The following ZNF331 variants were observed in gnomAD, a reference collection of about 807,000 sequenced individuals.
ZNF331 encodes zinc finger protein 331.
In ZNF331, 2 loss-of-function variants were observed where a neutral mutation model predicts 7.0. The observed-to-expected ratio is 0.29, with a 90% CI of 0.12 to 0.90. ZNF331 has a LOEUF of 0.90. Ranked by LOEUF, ZNF331 falls within the 40% of genes least tolerant of loss-of-function variation. The pLI is 0.58. For synonymous variants in ZNF331, 196 were observed against 205.4 expected (o/e 0.95, Z 0.39); for missense variants, 432 against 587.7 (o/e 0.74, Z 2.74).
rs1034712816 is a variant in ZNF331 at position 53,579,757 on chromosome 19, C to T, written c.*1805C>T. On this transcript the variant is annotated 3_prime_UTR_variant, in exon 6 of 6. Transcript: ENST00000449416. ...ACAGCAAACATAAAAAGTTGTTACA[C>T]TTCATCAAAAGTACAAAGTTCTGTT... The T allele has an allele frequency of 4.6e-5, 9 of 197,356 alleles. No individual in the cohort carries two copies. The highest frequency in any genetic ancestry group is 1.6e-4 in the African/African-American group (7 of 43,462). 12.2% of individuals were successfully genotyped at this position (197,356 alleles called of 1,614,324 possible). A position where few individuals can be genotyped will look rare whatever the true frequency, so the allele number is the denominator to read the frequency against.
At chr19:53,561,926 T>C (rs1351417605) in intron 3 of ZNF331, among the ~76,000 whole-genome samples, 2 of 152,184 alleles carry the variant, frequency 1.3e-5, no homozygotes, top group South Asian at 2.1e-4. Context: ...GGCAGGTAGA[T>C]CACCTGAGGT....
At chr19:53,554,267 G>A (rs745702801) in intron 2 of ZNF331, among the ~76,000 whole-genome samples, 22 of 152,230 alleles carry the variant, frequency 1.4e-4, no homozygotes, top group Non-Finnish European at 2.6e-4. Context: ...GTGTGTGCAT[G>A]TGTCAGCGTC....
At chr19:53,557,037 C>T (rs950388414) in intron 3 of ZNF331, among the ~76,000 whole-genome samples, 2 of 129,116 alleles carry the variant, frequency 1.5e-5, no homozygotes, top group African/African-American at 6.1e-5. Flanking sequence ...CCAGGCTGGT[C>T]GTGAACTCCT....
intron 4 of ZNF331, among the ~76,000 whole-genome samples, chr19:53,570,353 A>T (rs2090381812): frequency 6.6e-6 from 1 of 152,110 alleles, no homozygotes; most frequent in South Asian, 2.1e-4. Flanking sequence ...GGAGATGATC[A>T]CATACCCCAG....
chr19:53,554,025 C>T (rs2089190536), intron 2 of ZNF331, among the ~76,000 whole-genome samples: 1 of 152,198 alleles, frequency 6.6e-6, no homozygotes, highest in Admixed American at 6.5e-5. Context: ...ACTTAAGGCG[C>T]TGCATGCTGG....
chr19:53,520,042 A>C (rs1157019560), upstream of ZNF331, among the ~76,000 whole-genome samples: 1 of 129,472 alleles, frequency 7.7e-6, no homozygotes, highest in East Asian at 2.7e-4. Flanking sequence ...TTCCGGGCTT[A>C]TTATTATTAT....
In ZNF331 at chr19:53,577,724, T is replaced by G; in HGVS notation, c.1164T>G (p.Cys388Trp). Reference sequence around the variant, plus strand: ...AAACCCCGTATAAATGTAAGGAGTGTGGGAAGGCTTTCATTTATGGATCGA... The same window carrying G: ...AAACCCCGTATAAATGTAAGGAGTGGGGGAAGGCTTTCATTTATGGATCGA... ...TGETPYKCKE[C>W]GKAFIYGSSL... is the part of the protein sequence containing the mutation. Residue 388 changes from cysteine to tryptophan, a missense_variant, in exon 6 of 6, where the codon TGT becomes TGG. Coordinates refer to ENST00000449416, the MANE Select transcript of ZNF331 (RefSeq NM_001079906.2). 1 of 1,613,898 alleles carries G rather than the reference T, an allele frequency of 6.2e-7. No homozygotes were observed. The highest frequency in any genetic ancestry group is 1.1e-5 in the South Asian group (1 of 91,080).
chr19:53,541,406 T>G (rs2088170132), intron 2 of ZNF331, among the ~76,000 whole-genome samples: 1 of 152,050 alleles, frequency 6.6e-6, no homozygotes, highest in Non-Finnish European at 1.5e-5. Context: ...GTGCCCGGCC[T>G]ATATTTCTTC....
At chr19:53,518,514 G>A (rs1157096399), upstream of ZNF331, among the ~76,000 whole-genome samples, 5 of 152,136 alleles carry the variant, frequency 3.3e-5, no homozygotes, top group Admixed American at 1.3e-4. Flanking sequence ...TCTCTCTGGA[G>A]AACCCTGACT....
chr19:53,547,314 C>T (rs8110339), intron 2 of ZNF331, among the ~76,000 whole-genome samples: 3,533 of 152,260 alleles, frequency 0.023, 139 homozygotes, highest in African/African-American at 0.082. Context: ...GCTTATTTCA[C>T]TTAGTACAAT....
Position 53,572,555 on chromosome 19 carries a change from T to TAC in ZNF331, c.136+826_136+827insCA, listed in dbSNP as rs1267633008. On this transcript the variant is annotated intron_variant, in intron 5 of 5. Coordinates refer to ENST00000449416, the MANE Select transcript of ZNF331 (RefSeq NM_001079906.2). ...TATATACACACACATATATATTATA[T>TAC]ATACACACACATATATATTATATAT... 5.0e-5 allele frequency among the ~76,000 whole-genome samples: 5 copies of TAC among 99,318 alleles called. 1 individual carries two copies. In the South Asian group the frequency reaches 7.3e-4, roughly 14 times the overall value. The allele number at this position is 99,318 out of a possible 152,430, so 65.2% of individuals were successfully genotyped here.
At chr19:53,530,482 C>T (rs2087495211) in intron 2 of ZNF331, among the ~76,000 whole-genome samples, 1 of 152,176 alleles carries the variant, frequency 6.6e-6, no homozygotes, top group African/African-American at 2.4e-5. Context: ...TCACAGGTTC[C>T]ATGTGTAGGT....
At chr19:53,559,959 T>C (rs972708242) in intron 3 of ZNF331, among the ~76,000 whole-genome samples, 7 of 147,594 alleles carry the variant, frequency 4.7e-5, no homozygotes, top group African/African-American at 1.3e-4. Context: ...CACACACACA[T>C]ATACACCCCG....
At chr19:53,510,729 C>A in the ZNF331 span, among the ~76,000 whole-genome samples, 1 of 151,956 alleles carries the variant, frequency 6.6e-6, no homozygotes, top group East Asian at 1.9e-4. Context: ...ATATTTGAAC[C>A]AAATTAAATT....
intron 3 of ZNF331, among the ~76,000 whole-genome samples, chr19:53,557,294 G>A (rs2089495804): frequency 1.3e-5 from 2 of 152,142 alleles, no homozygotes; most frequent in Admixed American, 6.5e-5. Flanking sequence ...CTGGGGGCTG[G>A]AAGCCTGAGA....
At chr19:53,538,853 A>G (rs1052452774) in intron 1 of ZNF331, 1 of 152,444 alleles carries the variant, frequency 6.6e-6, no homozygotes, top group Non-Finnish European at 1.5e-5. Context: ...TTCACCTCCT[A>G]ACCAAGCGGT....
At chr19:53,505,909 T>C in the ZNF331 span, among the ~76,000 whole-genome samples, 2 of 150,660 alleles carry the variant, frequency 1.3e-5, no homozygotes, top group Non-Finnish European at 3.0e-5. Context: ...CACTTAAACA[T>C]GGGAGGCGGA....
At chr19:53,540,789 ATG>A (rs1053126081) in intron 2 of ZNF331, among the ~76,000 whole-genome samples, 4 of 141,374 alleles carry the variant, frequency 2.8e-5, no homozygotes, top group South Asian at 2.3e-4. Context: ...ACTGCCCCAC[ATG>A]CCTTGGTTTG....
intron 3 of ZNF331, among the ~76,000 whole-genome samples, chr19:53,568,316 C>T (rs1221633417): frequency 6.6e-6 from 1 of 152,052 alleles, no homozygotes; most frequent in Admixed American, 6.6e-5. Context: ...GTGTCTTCTC[C>T]CTGTGGAGTC....
Sources: gnomAD v4.1 joint callset for allele counts (sites outside exome capture counted in the v4.1 genomes callset) on GRCh38, gnomAD v4.1.1 for gene constraint, MANE v1.5 for transcripts, NCBI Gene and HGNC (gene_info 2026-07-23, HGNC 2026-07-21) for gene names.